Variants in DCTN2 observed in about 807,000 individuals in gnomAD.
DCTN2 encodes the protein 50 kDa dynein-associated polypeptide.
Under a neutral mutation model 55.4 loss-of-function variants are expected in DCTN2, and 18 were observed. The observed-to-expected ratio is 0.32, with a 90% CI of 0.22 to 0.48. The LOEUF (loss-of-function observed/expected upper bound fraction) is 0.48, where lower values mean the gene tolerates loss of function less well. Among genes scored for constraint, DCTN2 ranks in the 20% least tolerant of loss-of-function variants. The pLI, the probability that DCTN2 is intolerant of heterozygous loss-of-function variation, is 0.99. For synonymous variants in DCTN2, 168 were observed against 185.2 expected (o/e 0.91, Z 0.76); for missense variants, 390 against 491.0 (o/e 0.79, Z 1.94).
intron 2 of DCTN2, among the ~76,000 whole-genome samples, chr12:57,542,652 T>C (rs1011828736): frequency 6.6e-6 from 1 of 152,108 alleles, no homozygotes; most frequent in Admixed American, 6.5e-5. Context: ...ACCCCATCTC[T>C]ACTAAAAATA....
chr12:57,532,077 A>C lies in DCTN2; in HGVS notation c.1057T>G (p.Leu353Val). 2 of 1,564,632 alleles carry C rather than the reference A, an allele frequency of 1.3e-6. No individual in the cohort carries two copies. The highest frequency in any genetic ancestry group is 2.4e-5 in the South Asian group (2 of 84,740). Residue 353 changes from leucine to valine, a missense_variant, in exon 13 of 14, where the codon TTG becomes GTG. This residue lies in a region of DCTN2 where 273 missense variants were observed against 303.2 expected (regional missense o/e 0.90). Coordinates refer to ENST00000548249, the MANE Select transcript of DCTN2 (RefSeq NM_001261413.2). The stretch of plus-strand genomic sequence containing the variant: ...GCAATCATCTGCTGGGTGGTATCCA[A>C]GTGTGTCAGGAGCTGACCAAACTGC... ...AMQFGQLLTH[L>V]DTTQQMIANS...
At chr12:57,539,754 C>T (rs918911653) in intron 2 of DCTN2, among the ~76,000 whole-genome samples, 4 of 152,164 alleles carry the variant, frequency 2.6e-5, no homozygotes, top group Admixed American at 1.3e-4. Context: ...CCACCAGGCA[C>T]GGTGTCTCAC....
Position 57,545,311 on chromosome 12 carries a change from A to G in DCTN2, c.105+717T>C, listed in dbSNP as rs74874805. ...ATTCACTCAATTTTTTTTTCCTTCT[A>G]TATGTTTCCTATATGTATCCTAATT... On this transcript the variant is annotated intron_variant, in intron 2 of 13. Transcript: ENST00000548249. Among the ~76,000 whole-genome samples, 1,317 of 151,970 alleles carry G rather than the reference A, an allele frequency of 8.7e-3. 22 individuals are homozygous for G. The highest frequency in any genetic ancestry group is 0.03 in the African/African-American group (1,257 of 41,414).
Position 57,535,122 on chromosome 12 carries a change from G to C in DCTN2, c.297C>G (p.Pro99=), listed in dbSNP as rs776555828. The change falls in exon 5 of 14, where the codon CCC becomes CCG. Residue 99 remains proline, a synonymous_variant. Coordinates refer to ENST00000548249, the MANE Select transcript of DCTN2 (RefSeq NM_001261413.2). The part of the protein sequence containing the change: ...LGEGLGVKET[P]QQKYQRLLHE... ...GCAGTAGGCGCTGGTACTTTTGCTG[G>C]GGTGTCTCCTTCACTCCCAGACCCT... 1.2e-6 allele frequency: 2 copies of C among 1,613,666 alleles called. No individual in the cohort carries two copies. The highest frequency in any genetic ancestry group is 1.7e-5 in the Admixed American group (1 of 59,978).
At chr12:57,539,020 T>A (rs1219094976) in intron 2 of DCTN2, among the ~76,000 whole-genome samples, 1 of 152,258 alleles carries the variant, frequency 6.6e-6, no homozygotes, top group Non-Finnish European at 1.5e-5. Flanking sequence ...ATGGCCCTTG[T>A]CTTCCTATCT....
chr12:57,546,716 T>A (rs768711478), intron 1 of DCTN2, among the ~76,000 whole-genome samples: 7 of 151,618 alleles, frequency 4.6e-5, no homozygotes, highest in Admixed American at 1.3e-4. Flanking sequence ...ATGGAGAGAT[T>A]TGGGGGGGAC....
Position 57,535,480 on chromosome 12 carries a change from A to G in DCTN2, c.264+4T>C. The G allele has an allele frequency of 6.2e-7, 1 of 1,613,870 alleles. No homozygotes were observed. The highest frequency in any genetic ancestry group is 8.5e-7 in the Non-Finnish European group (1 of 1,179,844). On this transcript the variant is annotated splice_donor_region_variant and intron_variant, in intron 4 of 13. Transcript: ENST00000548249. ...CCATCAACACACACACACACACAAC[A>G]AACCATCTCATATTCTCCAGATTCA...
chr12:57,534,892 A>G (rs549817747), intron 5 of DCTN2, 164 bp downstream of exon 5: 5 of 558,180 alleles, frequency 9.0e-6, no homozygotes, highest in South Asian at 2.2e-5. Context: ...CTGGTCTTGA[A>G]CTCCTGACCT....
Position 57,530,379 on chromosome 12 carries a change from T to TG in DCTN2, c.*309dup. The TG allele has an allele frequency of 3.2e-6, 1 of 314,562 alleles. No individual in the cohort carries two copies. The highest frequency in any genetic ancestry group is 6.0e-6 in the Non-Finnish European group (1 of 166,266). The allele number at this position is 314,562 out of a possible 1,614,324, so 19.5% of individuals were successfully genotyped here. On this transcript the variant is annotated 3_prime_UTR_variant, in exon 14 of 14. Coordinates refer to ENST00000548249, the MANE Select transcript of DCTN2 (RefSeq NM_001261413.2). The stretch of plus-strand genomic sequence containing the variant: ...TTACAGTCAGCCACAGAAGCTGTGT[T>TG]GGGGGACAAGACCCAATCCTTCCCC...
chr12:57,543,625 C>T (rs142788814), intron 2 of DCTN2, among the ~76,000 whole-genome samples: 167 of 152,290 alleles, frequency 1.1e-3, no homozygotes, highest in East Asian at 2.5e-3. Flanking sequence ...TAGGGACATG[C>T]GGGGGCCAGA....
chr12:57,540,111 G>A (rs925826946), intron 2 of DCTN2: 120 of 985,150 alleles, frequency 1.2e-4, no homozygotes, highest in Admixed American at 4.9e-4. Flanking sequence ...TCCTGTGGTC[G>A]AGGCTGGGAT....
intron 1 of DCTN2, among the ~76,000 whole-genome samples, chr12:57,546,355 G>A (rs895278682): frequency 6.6e-6 from 1 of 152,120 alleles, no homozygotes; most frequent in Non-Finnish European, 1.5e-5. Context: ...AAATCTAGAG[G>A]CGGGCAGGTC....
In DCTN2 at chr12:57,534,375, C is replaced by G; in HGVS notation, c.441G>C (p.Gln147His). 1 of 1,613,004 alleles carries G rather than the reference C, an allele frequency of 6.2e-7. No individual in the cohort carries two copies. The highest frequency in any genetic ancestry group is 2.2e-5 in the East Asian group (1 of 44,822). ...LLAKQLAALK[Q>H]QLVASHLEKL... is the part of the protein sequence containing the mutation. The stretch of plus-strand genomic sequence containing the variant: ...TCTCCAGGTGGGAAGCAACCAGCTG[C>G]TGCTTCAGGGCTGCCAGCTGTTTAG... Residue 147 changes from glutamine (Q) to histidine (H), a missense_variant, in exon 6 of 14, where the codon CAG becomes CAC. Coordinates refer to ENST00000548249, the MANE Select transcript of DCTN2 (RefSeq NM_001261413.2).
intron 5 of DCTN2, chr12:57,534,664 A>ATCTT (rs750104988): frequency 1.4e-5 from 7 of 505,768 alleles, no homozygotes; most frequent in Non-Finnish European, 2.0e-5. Flanking sequence ...AGCTTAAGGA[A>ATCTT]TCTTTCTTTC....
At chr12:57,544,374 T>C (rs1464329430) in intron 2 of DCTN2, among the ~76,000 whole-genome samples, 1 of 150,720 alleles carries the variant, frequency 6.6e-6, no homozygotes, top group Non-Finnish European at 1.5e-5. Context: ...AAATAGTTGT[T>C]ATATTGTATT....
At chr12:57,531,975 T>A (rs1879763084) in intron 13 of DCTN2, 40 bp downstream of exon 13, 1 of 1,552,432 alleles carries the variant, frequency 6.4e-7, no homozygotes, top group Admixed American at 2.0e-5. Flanking sequence ...AGTTTGCACA[T>A]GCTGGAGAAA....
intron 13 of DCTN2, among the ~76,000 whole-genome samples, chr12:57,531,806 G>A (rs1444621635): frequency 6.6e-6 from 1 of 152,158 alleles, no homozygotes; most frequent in East Asian, 1.9e-4. Context: ...CTCTGAGGGA[G>A]GTATAATTTC....
chr12:57,538,484 C>G, intron 2 of DCTN2: 1 of 760,210 alleles, frequency 1.3e-6, no homozygotes, highest in Non-Finnish European at 2.4e-6. Context: ...ATAGCACACC[C>G]CGTTAAAAAG....
intron 2 of DCTN2, chr12:57,538,116 C>T (rs534060259): frequency 6.1e-6 from 2 of 327,590 alleles, no homozygotes; most frequent in Non-Finnish European, 1.2e-5. Context: ...TTCTTATTTA[C>T]GTTCCTAAGT....
Sources: allele counts gnomAD v4.1 joint callset (sites outside exome capture counted in the v4.1 genomes callset), GRCh38; gene constraint gnomAD v4.1.1; regional missense constraint gnomAD v4.1.1; transcripts MANE v1.5; gene names NCBI Gene and HGNC (gene_info 2026-07-23, HGNC 2026-07-21).